Variants in STAG1 observed in about 807,000 individuals in gnomAD.
STAG1 encodes cohesin subunit SA-1.
Under a neutral mutation model 170.9 loss-of-function variants are expected in STAG1, and 26 were observed. The ratio of observed to expected loss-of-function variants is 0.15; its 90% CI spans 0.11 to 0.21. The LOEUF (loss-of-function observed/expected upper bound fraction) is 0.21. Among genes scored for constraint, STAG1 ranks in the 10% least tolerant of loss-of-function variants. The pLI is 1.00. For missense variants in STAG1, 964 were observed against 1,509.5 expected (o/e 0.64, Z 5.99); for synonymous variants, 514 against 497.7 (o/e 1.03, Z -0.44).
chr3:136,633,563 G>A (rs902705816), intron 1 of STAG1, among the ~76,000 whole-genome samples: 1 of 151,964 alleles, frequency 6.6e-6, no homozygotes, highest in African/African-American at 2.4e-5. Flanking sequence ...AGCCAGGTGT[G>A]GTGGCAGGTG....
At chr3:136,615,098 T>A (rs138702616) in intron 3 of STAG1, among the ~76,000 whole-genome samples, 1 of 152,078 alleles carries the variant, frequency 6.6e-6, no homozygotes, top group Admixed American at 6.6e-5. Flanking sequence ...AAAATTATGC[T>A]GCAAGTTGGG....
At chr3:136,542,864 G>A (rs1031194386) in intron 5 of STAG1, among the ~76,000 whole-genome samples, 1 of 152,058 alleles carries the variant, frequency 6.6e-6, no homozygotes, top group African/African-American at 2.4e-5. Flanking sequence ...GAGACAAGAG[G>A]CATCTAGAGG....
At chr3:136,709,581 T>A (rs1943327534) in intron 1 of STAG1, among the ~76,000 whole-genome samples, 1 of 150,166 alleles carries the variant, frequency 6.7e-6, no homozygotes, top group Non-Finnish European at 1.5e-5. Flanking sequence ...AAAAATAAAA[T>A]AAAATTAGCT....
chr3:136,587,267 T>C (rs1211643370), intron 4 of STAG1, among the ~76,000 whole-genome samples: 1 of 152,126 alleles, frequency 6.6e-6, no homozygotes, highest in Non-Finnish European at 1.5e-5. Context: ...AGGCCGGACC[T>C]GATGGCTCAC....
intron 5 of STAG1, among the ~76,000 whole-genome samples, chr3:136,565,066 GA>G (rs1937016943): frequency 2.0e-5 from 1 of 50,686 alleles, no homozygotes; most frequent in Non-Finnish European, 5.0e-5. Context: ...GGGAGGGAGG[GA>G]GGGAGGGAGG....
At chr3:136,426,411 AAAAC>A (rs527642737) in intron 16 of STAG1, among the ~76,000 whole-genome samples, 8 of 152,280 alleles carry the variant, frequency 5.3e-5, no homozygotes, top group East Asian at 1.9e-4. Context: ...CTCCGTCTCA[AAAAC>A]AAACAAACAA....
chr3:136,579,448 A>G (rs773542369), intron 4 of STAG1, among the ~76,000 whole-genome samples: 1 of 152,178 alleles, frequency 6.6e-6, no homozygotes, highest in Non-Finnish European at 1.5e-5. Context: ...ACCGTGCTGC[A>G]TTCTAATCTG....
At chr3:136,685,696 AT>A (rs113658213) in intron 1 of STAG1, among the ~76,000 whole-genome samples, 7 of 152,332 alleles carry the variant, frequency 4.6e-5, no homozygotes, top group African/African-American at 1.4e-4. Context: ...AAGATTATAT[AT>A]TGTATGATTC....
chr3:136,539,389 T>C (rs1030781720), intron 6 of STAG1, among the ~76,000 whole-genome samples: 1 of 152,202 alleles, frequency 6.6e-6, no homozygotes, highest in Non-Finnish European at 1.5e-5. Flanking sequence ...AAGGTTAAGT[T>C]ATCACGGGAG....
chr3:136,500,884 CAGAGTT>C (rs1382677869), intron 8 of STAG1, among the ~76,000 whole-genome samples: 2 of 152,122 alleles, frequency 1.3e-5, no homozygotes, highest in African/African-American at 4.8e-5. Context: ...CAAAACTGAT[CAGAGTT>C]AAAGTTTGTG....
intron 1 of STAG1, among the ~76,000 whole-genome samples, chr3:136,724,365 T>C (rs71321249): frequency 6.6e-6 from 1 of 151,092 alleles, no homozygotes; most frequent in Non-Finnish European, 1.5e-5. Flanking sequence ...GGATTAAGGG[T>C]GGTGCAAGAT....
At chr3:136,524,429 T>G (rs530199338) in intron 6 of STAG1, among the ~76,000 whole-genome samples, 73 of 152,304 alleles carry the variant, frequency 4.8e-4, no homozygotes, top group Non-Finnish European at 3.1e-4. Context: ...TGCTTGTGAT[T>G]TTTCCACATT....
At chr3:136,726,621 G>C (rs1440205293) in intron 1 of STAG1, among the ~76,000 whole-genome samples, 2 of 152,092 alleles carry the variant, frequency 1.3e-5, no homozygotes, top group Non-Finnish European at 2.9e-5. Flanking sequence ...ATGGGGTTTT[G>C]CCATGTTGAC....
chr3:136,341,490 T>C lies in STAG1; in HGVS notation c.3508A>G (p.Arg1170Gly). 6.2e-7 allele frequency: 1 copy of C among 1,614,038 alleles called. No individual in the cohort carries two copies. The highest frequency in any genetic ancestry group is 8.5e-7 in the Non-Finnish European group (1 of 1,179,962). The change falls in exon 31 of 34, where the codon AGA (arginine) becomes GGA (glycine). Residue 1170 changes from arginine (R) to glycine (G), a missense_variant. By Grantham distance (125) the Arg-to-Gly change is moderately radical (BLOSUM62 -2). This residue lies in a region of STAG1 where 122 missense variants were observed against 129.0 expected (regional missense o/e 0.95). Transcript: ENST00000383202. ...PKLEDLNRKD[R>G]TGMNYMKVRT... ...ACTTTCATGTAGTTCATTCCTGTTC[T>C]GTCCTTCCGATTTAAGTCTTCTAAC...
intron 7 of STAG1, among the ~76,000 whole-genome samples, chr3:136,513,546 C>T (rs1008861133): frequency 1.3e-5 from 2 of 152,062 alleles, no homozygotes; most frequent in Non-Finnish European, 2.9e-5. Flanking sequence ...ACAAAAAAAT[C>T]TGCAAAGCTT....
chr3:136,392,236 C>T (rs774542108), intron 22 of STAG1, among the ~76,000 whole-genome samples: 5 of 151,900 alleles, frequency 3.3e-5, no homozygotes, highest in Non-Finnish European at 5.9e-5. Flanking sequence ...ACCAGAATGC[C>T]CATCATCACA....
intron 1 of STAG1, among the ~76,000 whole-genome samples, chr3:136,646,757 G>A (rs1421420142): frequency 6.6e-6 from 1 of 151,972 alleles, no homozygotes; most frequent in Non-Finnish European, 1.5e-5. Flanking sequence ...AATACAAAAA[G>A]TAGCTGGGCA....
intron 9 of STAG1, among the ~76,000 whole-genome samples, chr3:136,490,887 T>TTTG (rs1305955041): frequency 2.0e-5 from 3 of 152,186 alleles, no homozygotes; most frequent in African/African-American, 7.2e-5. Flanking sequence ...GTTATTCTTT[T>TTTG]TTGTTGTTGT....
intron 1 of STAG1, among the ~76,000 whole-genome samples, chr3:136,749,608 T>G (rs1935124374): frequency 6.6e-6 from 1 of 151,984 alleles, no homozygotes; most frequent in Admixed American, 6.6e-5. Context: ...TAGGTGGGCA[T>G]GGTGGCACGC....
Sources: gnomAD v4.1 joint callset for allele counts (sites outside exome capture counted in the v4.1 genomes callset) on GRCh38, gnomAD v4.1.1 for gene constraint, gnomAD v4.1.1 regional missense constraint, MANE v1.5 for transcripts, NCBI Gene and HGNC (gene_info 2026-07-23, HGNC 2026-07-21) for gene names.